Variants in SLIT1 observed in about 807,000 individuals in gnomAD.
SLIT1 encodes the protein slit guidance ligand 1.
A neutral mutation model predicts 186.1 loss-of-function variants in SLIT1; 66 were observed. That is an observed-to-expected ratio of 0.35 (90% CI 0.29 to 0.44). The LOEUF is 0.44. Among genes scored for constraint, SLIT1 ranks in the 20% least tolerant of loss-of-function variants. The pLI is 1.00. For missense variants in SLIT1, 1,638 were observed against 2,037.4 expected, an observed-to-expected ratio of 0.80 and a Z score of 3.77; for synonymous variants, 761 against 833.8, an observed-to-expected ratio of 0.91 and a Z score of 1.50.
intron 4 of SLIT1, among the ~76,000 whole-genome samples, chr10:97,129,953 C>T (rs888436583): frequency 6.6e-6 from 1 of 152,130 alleles, no homozygotes; most frequent in Non-Finnish European, 1.5e-5. Flanking sequence ...ACTACTCACC[C>T]GGTTCTCAGG....
intron 21 of SLIT1, 90 bp from the exon 22 acceptor site, chr10:97,037,856 C>A: frequency 9.6e-7 from 1 of 1,043,090 alleles, no homozygotes; most frequent in Non-Finnish European, 1.4e-6. Flanking sequence ...CCAGGGACTT[C>A]GCTCTCATTT....
At chr10:97,135,356 G>A (rs1849692529) in intron 4 of SLIT1, among the ~76,000 whole-genome samples, 1 of 152,186 alleles carries the variant, frequency 6.6e-6, no homozygotes, top group Non-Finnish European at 1.5e-5. Flanking sequence ...CACTGAAAGA[G>A]GAGGGAAGGG....
intron 1 of SLIT1, among the ~76,000 whole-genome samples, chr10:97,181,083 G>A (rs1042358613): frequency 7.2e-5 from 11 of 152,158 alleles, no homozygotes; most frequent in Admixed American, 7.2e-4. Flanking sequence ...TTTACAGATG[G>A]GGAAACTGGG....
At chr10:97,108,188 C>A (rs1291201129) in intron 4 of SLIT1, among the ~76,000 whole-genome samples, 1 of 152,172 alleles carries the variant, frequency 6.6e-6, no homozygotes, top group East Asian at 1.9e-4. Flanking sequence ...CCTGTGGGCA[C>A]CTCTGTGAGG....
In SLIT1 at chr10:97,002,374, A is replaced by G. The variant is rs1161591113; in HGVS notation, c.4155-5T>C. 1.9e-6 allele frequency: 3 copies of G among 1,586,894 alleles called. No homozygotes were observed. The highest frequency in any genetic ancestry group is 1.7e-6 in the Non-Finnish European group (2 of 1,166,864). On this transcript the variant is annotated splice_polypyrimidine_tract_variant and splice_region_variant and intron_variant, in intron 35 of 36. Coordinates refer to ENST00000266058, the MANE Select transcript of SLIT1 (RefSeq NM_003061.3). The stretch of plus-strand genomic sequence containing the variant: ...ACGCATTGCCCATGGACACACCTGG[A>G]GGAGACAGAGAAAAGGCGCTGTGAG...
rs1589359185 is a variant in SLIT1 at position 97,002,636 on chromosome 10, G to C, written c.4154+68C>G. On this transcript the variant is annotated intron_variant, in intron 35 of 36. Coordinates refer to ENST00000266058, the MANE Select transcript of SLIT1 (RefSeq NM_003061.3). Reference sequence around the variant, plus strand: ...TCTAATATGGGTTGGAAAACTGTGAGGCAGCCCTTCCCATGGGGAAGGAAC... The same window carrying C: ...TCTAATATGGGTTGGAAAACTGTGACGCAGCCCTTCCCATGGGGAAGGAAC... 13 of 1,413,072 alleles carry C rather than the reference G, an allele frequency of 9.2e-6. 3 individuals are homozygous for C. The Admixed American group carries it at 3.0e-4, about 32-fold the overall frequency. The allele number at this position is 1,413,072 out of a possible 1,614,324, so 87.5% of individuals were successfully genotyped here. A position where few individuals can be genotyped will look rare whatever the true frequency, so the allele number is the denominator to read the frequency against.
intron 11 of SLIT1, 112 bp from the exon 12 acceptor site, chr10:97,057,393 G>T: frequency 1.3e-6 from 1 of 744,112 alleles, no homozygotes; most frequent in Non-Finnish European, 2.3e-6. Flanking sequence ...TTTACATGGA[G>T]CACATCCTAA....
chr10:97,066,923 A>G (rs1848952436), intron 4 of SLIT1, among the ~76,000 whole-genome samples: 1 of 152,068 alleles, frequency 6.6e-6, no homozygotes, highest in Non-Finnish European at 1.5e-5. Context: ...ACTGTCTGGC[A>G]CCAGGTGGGA....
At chr10:97,183,097 C>T (rs1461100629) in intron 1 of SLIT1, among the ~76,000 whole-genome samples, 1 of 152,158 alleles carries the variant, frequency 6.6e-6, no homozygotes, top group Non-Finnish European at 1.5e-5. Flanking sequence ...TGGCAAAATC[C>T]AAACCAACCT....
At chr10:97,104,074 G>A (rs1443151733) in intron 4 of SLIT1, among the ~76,000 whole-genome samples, 8 of 152,074 alleles carry the variant, frequency 5.3e-5, no homozygotes, top group Non-Finnish European at 4.4e-5. Context: ...GCGGGTGGAG[G>A]TGAGTACTAC....
rs537474848 is a variant in SLIT1 at position 97,053,720 on chromosome 10, A to G, written c.1301+2601T>C. Among the ~76,000 whole-genome samples, 8 of 152,352 alleles carry G rather than the reference A, an allele frequency of 5.3e-5. No homozygotes were observed. In the South Asian group the frequency reaches 1.7e-3, roughly 32 times the overall value. On this transcript the variant is annotated intron_variant, in intron 13 of 36. Coordinates refer to ENST00000266058, the MANE Select transcript of SLIT1 (RefSeq NM_003061.3). ...AGAATTAAAGATGTAGATGAAGGGGACCATTTAATTGCCTAAGTTTAACCA... is the reference window on the plus strand; with the variant it reads ...AGAATTAAAGATGTAGATGAAGGGGGCCATTTAATTGCCTAAGTTTAACCA...
At chr10:97,027,801 T>C (rs1412525139) in intron 25 of SLIT1, among the ~76,000 whole-genome samples, 1 of 152,222 alleles carries the variant, frequency 6.6e-6, no homozygotes. Context: ...CTCTAGATTT[T>C]GAGCTGGAGA....
chr10:97,128,064 C>T (rs186541363), intron 4 of SLIT1, among the ~76,000 whole-genome samples: 37 of 152,254 alleles, frequency 2.4e-4, no homozygotes, highest in African/African-American at 7.0e-4. Context: ...AATGCACCAC[C>T]GAGCCCCCTG....
At chr10:97,119,924 T>TATATATATATATATAC (rs1849544563) in intron 4 of SLIT1, among the ~76,000 whole-genome samples, 1 of 126,620 alleles carries the variant, frequency 7.9e-6, no homozygotes, top group Non-Finnish European at 1.7e-5. Flanking sequence ...TATATATATA[T>TATATATATATATATAC]ATATATATAT....
At chr10:97,107,535 C>G (rs542321207) in intron 4 of SLIT1, among the ~76,000 whole-genome samples, 2 of 152,306 alleles carry the variant, frequency 1.3e-5, no homozygotes, top group Admixed American at 6.5e-5. Flanking sequence ...GGACCAATTC[C>G]TGTTCTCAAA....
chr10:97,090,358 G>C (rs1467301949), intron 4 of SLIT1, among the ~76,000 whole-genome samples: 2 of 152,152 alleles, frequency 1.3e-5, no homozygotes, highest in African/African-American at 4.8e-5. Flanking sequence ...GTCCCAGGCA[G>C]AGGAACCAGC....
intron 1 of SLIT1, among the ~76,000 whole-genome samples, chr10:97,182,950 A>T (rs1398662063): frequency 6.6e-6 from 1 of 150,850 alleles, no homozygotes; most frequent in Non-Finnish European, 1.5e-5. Context: ...ATATAGCCAG[A>T]TCCTCATCTC....
chr10:97,113,315 T>G (rs769928659), intron 4 of SLIT1, among the ~76,000 whole-genome samples: 1 of 151,112 alleles, frequency 6.6e-6, no homozygotes. Context: ...GCAGTGGCAC[T>G]GCAACCTCTG....
At chr10:97,185,435 G>A (rs1589426915) in intron 1 of SLIT1, 43 bp downstream of exon 1, 1 of 1,584,458 alleles carries the variant, frequency 6.3e-7, no homozygotes, top group Admixed American at 1.7e-5. Flanking sequence ...GGGTGGGAGG[G>A]CAACCTCGGA....
Sources: gnomAD v4.1 joint callset for allele counts (sites outside exome capture counted in the v4.1 genomes callset) on GRCh38, gnomAD v4.1.1 for gene constraint, MANE v1.5 for transcripts, NCBI Gene and HGNC (gene_info 2026-07-23, HGNC 2026-07-21) for gene names.